The following NUDT3 variants were observed in gnomAD, a reference collection of about 807,000 sequenced individuals.
NUDT3 encodes nudix hydrolase 3.
NUDT3 carries 9 observed loss-of-function variants against 23.6 expected under a neutral mutation model. That is an observed-to-expected ratio of 0.38 (90% CI 0.23 to 0.66). The LOEUF is 0.66. NUDT3 is among the 30% of genes least tolerant of loss of function. The pLI is 0.52. For missense variants in NUDT3, 172 were observed against 218.5 expected (o/e 0.79, Z 1.34); for synonymous variants, 86 against 82.6 (o/e 1.04, Z -0.22).
At chr6:34,385,007 C>A (rs1277038832) in intron 1 of NUDT3, among the ~76,000 whole-genome samples, 5 of 136,298 alleles carry the variant, frequency 3.7e-5, no homozygotes, top group East Asian at 2.1e-4. Flanking sequence ...CCAGCCTGGT[C>A]AACAGAGCAA....
chr6:34,353,683 C>T (rs1423378610), intron 1 of NUDT3, among the ~76,000 whole-genome samples: 1 of 151,966 alleles, frequency 6.6e-6, no homozygotes, highest in Non-Finnish European at 1.5e-5. Flanking sequence ...GGATTACAGG[C>T]ATGAGCCACA....
chr6:34,325,563 T>C (rs888952298), intron 2 of NUDT3, among the ~76,000 whole-genome samples: 10 of 152,190 alleles, frequency 6.6e-5, no homozygotes, highest in African/African-American at 2.4e-4. Context: ...TATTTTTGTG[T>C]ATGAGTTTTC....
chr6:34,305,891 T>C (rs762658382), intron 2 of NUDT3, among the ~76,000 whole-genome samples: 42 of 152,228 alleles, frequency 2.8e-4, no homozygotes, highest in Non-Finnish European at 6.0e-4. Context: ...ATACAGTCTA[T>C]AATACTGATG....
intron 2 of NUDT3, among the ~76,000 whole-genome samples, chr6:34,336,678 T>C (rs1237532547): frequency 2.6e-5 from 4 of 152,160 alleles, no homozygotes; most frequent in Non-Finnish European, 5.9e-5. Flanking sequence ...TGTGTTTACT[T>C]GTAGTAGTTT....
At chr6:34,357,119 T>C (rs1406251953) in intron 1 of NUDT3, among the ~76,000 whole-genome samples, 2 of 152,190 alleles carry the variant, frequency 1.3e-5, no homozygotes, top group Non-Finnish European at 2.9e-5. Flanking sequence ...GTTTTAGAAG[T>C]ACTTACTGAA....
intron 1 of NUDT3, among the ~76,000 whole-genome samples, chr6:34,373,800 C>A (rs979759203): frequency 1.3e-5 from 2 of 152,162 alleles, no homozygotes; most frequent in Non-Finnish European, 2.9e-5. Context: ...GTGTTACAGC[C>A]TTTCATTCCA....
intron 2 of NUDT3, among the ~76,000 whole-genome samples, chr6:34,335,734 T>C (rs1764198694): frequency 6.6e-6 from 1 of 151,312 alleles, no homozygotes. Flanking sequence ...AAAGTGTTTT[T>C]TTCTTTGAAA....
Position 34,331,729 on chromosome 6 carries a change from T to A in NUDT3, c.210+10133A>T, listed in dbSNP as rs187046547. On this transcript the variant is annotated intron_variant, in intron 2 of 4. Transcript: ENST00000607016. ...ACCAACTGCAGATCAAGAATTTTTT[T>A]AAAAATTGTATCTGTACTGAACACG... is the stretch of plus-strand genomic sequence containing the variant. 5.3e-5 allele frequency among the ~76,000 whole-genome samples: 8 copies of A among 152,354 alleles called. No homozygotes were observed. The South Asian group carries it at 6.2e-4, about 12-fold the overall frequency.
intron 1 of NUDT3, among the ~76,000 whole-genome samples, chr6:34,371,913 G>A (rs577184906): frequency 2.3e-4 from 35 of 152,168 alleles, no homozygotes; most frequent in Non-Finnish European, 2.6e-4. Flanking sequence ...ACTACAACAG[G>A]CCCCGGTGTG....
intron 1 of NUDT3, among the ~76,000 whole-genome samples, chr6:34,364,256 A>T (rs1383096380): frequency 6.6e-6 from 1 of 152,244 alleles, no homozygotes; most frequent in Non-Finnish European, 1.5e-5. Context: ...TTAACAGCTG[A>T]CAAGCTGTCT....
intron 4 of NUDT3, among the ~76,000 whole-genome samples, chr6:34,292,661 A>G (rs569122502): frequency 6.6e-6 from 1 of 152,080 alleles, no homozygotes; most frequent in Non-Finnish European, 1.5e-5. Flanking sequence ...GAATAAAACT[A>G]GAAACCACCT....
intron 2 of NUDT3, among the ~76,000 whole-genome samples, chr6:34,319,640 G>A (rs1763910509): frequency 6.6e-6 from 1 of 152,202 alleles, no homozygotes; most frequent in Non-Finnish European, 1.5e-5. Flanking sequence ...GGACAACCAT[G>A]TTGAAATGTG....
intron 2 of NUDT3, among the ~76,000 whole-genome samples, chr6:34,296,610 T>C (rs1763503405): frequency 6.6e-6 from 1 of 152,116 alleles, no homozygotes; most frequent in South Asian, 2.1e-4. Context: ...CATACATACA[T>C]ACATAGATTA....
At chr6:34,304,594 G>C (rs1042222594) in intron 2 of NUDT3, among the ~76,000 whole-genome samples, 1 of 151,886 alleles carries the variant, frequency 6.6e-6, no homozygotes, top group Non-Finnish European at 1.5e-5. Flanking sequence ...CAGGAAGGAA[G>C]GTGATTACTA....
At chr6:34,321,971 G>A (rs539104770) in intron 2 of NUDT3, among the ~76,000 whole-genome samples, 2 of 152,242 alleles carry the variant, frequency 1.3e-5, no homozygotes, top group African/African-American at 4.8e-5. Context: ...ACCGCTTCTT[G>A]TGAAGCAGAA....
rs139792284 is a variant in NUDT3, at chr6:34,289,136, A to G, written c.341-205T>C. On this transcript the variant is annotated intron_variant, in intron 4 of 4. Coordinates refer to ENST00000607016, the MANE Select transcript of NUDT3 (RefSeq NM_006703.4). ...TGAGAAACCTGAAAACCAAAGAGCTAAGAGTAATTGTGTAAAACCTGCCCT... is the reference window on the plus strand; with the variant it reads ...TGAGAAACCTGAAAACCAAAGAGCTGAGAGTAATTGTGTAAAACCTGCCCT... Among the ~76,000 whole-genome samples the G allele has an allele frequency of 8.7e-4, 133 of 152,342 alleles. No homozygotes were observed. The East Asian group carries it at 0.011, about 12-fold the overall frequency.
intron 1 of NUDT3, among the ~76,000 whole-genome samples, chr6:34,381,471 C>T (rs560606861): frequency 9.9e-5 from 15 of 151,900 alleles, no homozygotes; most frequent in Admixed American, 1.3e-4. Flanking sequence ...GACCCATACA[C>T]CCTGGCAGAA....
chr6:34,391,251 C>A (rs977906526), intron 1 of NUDT3, among the ~76,000 whole-genome samples: 1 of 152,198 alleles, frequency 6.6e-6, no homozygotes, highest in Non-Finnish European at 1.5e-5. Flanking sequence ...CCATAGCCCA[C>A]TGCTGAATCC....
chr6:34,379,703 A>C (rs1298792245), intron 1 of NUDT3, among the ~76,000 whole-genome samples: 1 of 151,730 alleles, frequency 6.6e-6, no homozygotes, highest in African/African-American at 2.4e-5. Flanking sequence ...GAGACACTGT[A>C]CCAGCCCAAA....
Sources: gnomAD v4.1 joint callset for allele counts (sites outside exome capture counted in the v4.1 genomes callset) on GRCh38, gnomAD v4.1.1 for gene constraint, MANE v1.5 for transcripts, NCBI Gene and HGNC (gene_info 2026-07-23, HGNC 2026-07-21) for gene names.